Variants in LRRC28 observed in about 807,000 individuals in gnomAD.
The protein encoded by LRRC28 is leucine rich repeat containing 28, also known as leucine-rich repeat-containing protein 28.
In LRRC28, 39 loss-of-function variants were observed where a neutral mutation model predicts 45.7. The ratio of observed to expected loss-of-function variants is 0.85; its 90% confidence interval spans 0.66 to 1.12. LRRC28 has a LOEUF of 1.12. LRRC28 is among the 50% of genes most tolerant of loss of function. The pLI is 0.00. For missense variants in LRRC28, 435 were observed against 438.5 expected, an observed-to-expected ratio of 0.99 and a Z score of 0.07; for synonymous variants, 206 against 178.8, an observed-to-expected ratio of 1.15 and a Z score of -1.22.
chr15:99,295,935 T>C (rs1437571504), intron 5 of LRRC28, among the ~76,000 whole-genome samples: 1 of 152,222 alleles, frequency 6.6e-6, no homozygotes, highest in African/African-American at 2.4e-5. Flanking sequence ...GGAATGAAAT[T>C]TAGTATCCTT....
At chr15:99,333,011 G>C (rs150671672) in intron 5 of LRRC28, among the ~76,000 whole-genome samples, 1 of 152,180 alleles carries the variant, frequency 6.6e-6, no homozygotes, top group Non-Finnish European at 1.5e-5. Flanking sequence ...GGTCTTCAAC[G>C]TCTCAGTCTC....
At chr15:99,304,946 A>T (rs1955127292) in intron 5 of LRRC28, among the ~76,000 whole-genome samples, 1 of 152,150 alleles carries the variant, frequency 6.6e-6, no homozygotes, top group Non-Finnish European at 1.5e-5. Flanking sequence ...TTGGGCCTCC[A>T]CAACAATGTG....
intron 7 of LRRC28, among the ~76,000 whole-genome samples, chr15:99,359,233 G>T (rs1957131806): frequency 6.6e-6 from 1 of 152,128 alleles, no homozygotes; most frequent in South Asian, 2.1e-4. Flanking sequence ...CATCAGAAAA[G>T]AATGCTGACA....
At chr15:99,280,419 C>G (rs1269061003) in intron 3 of LRRC28, among the ~76,000 whole-genome samples, 1 of 145,430 alleles carries the variant, frequency 6.9e-6, no homozygotes, top group African/African-American at 2.5e-5. Context: ...ACCCCAAAGT[C>G]TTACAGTTTT....
intron 9 of LRRC28, among the ~76,000 whole-genome samples, chr15:99,373,352 A>C (rs1957537121): frequency 1.3e-5 from 2 of 152,104 alleles, no homozygotes; most frequent in Non-Finnish European, 2.9e-5. Flanking sequence ...GTTCTAACCA[A>C]CTTCATTTTT....
chr15:99,358,738 G>A (rs987800023), intron 7 of LRRC28, among the ~76,000 whole-genome samples: 4 of 152,144 alleles, frequency 2.6e-5, no homozygotes, highest in African/African-American at 7.2e-5. Flanking sequence ...AAAAAGCTAT[G>A]TCCTATTTTA....
At chr15:99,321,504 A>G (rs1295719767) in intron 5 of LRRC28, among the ~76,000 whole-genome samples, 3 of 152,232 alleles carry the variant, frequency 2.0e-5, no homozygotes, top group African/African-American at 7.2e-5. Flanking sequence ...TCACAGAGAT[A>G]ATTATAAGAC....
intron 3 of LRRC28, among the ~76,000 whole-genome samples, chr15:99,279,869 T>G (rs2081732949): frequency 6.6e-6 from 1 of 152,192 alleles, no homozygotes; most frequent in Non-Finnish European, 1.5e-5. Flanking sequence ...TGCTCAAAAT[T>G]TTTAGTTTTG....
chr15:99,281,323 C>G (rs1281913995), intron 3 of LRRC28, among the ~76,000 whole-genome samples: 1 of 152,154 alleles, frequency 6.6e-6, no homozygotes, highest in Non-Finnish European at 1.5e-5. Context: ...GCAATCATGG[C>G]TCACTGTAAC....
intron 5 of LRRC28, among the ~76,000 whole-genome samples, chr15:99,323,573 C>T (rs1200370571): frequency 6.6e-6 from 1 of 152,094 alleles, no homozygotes; most frequent in African/African-American, 2.4e-5. Flanking sequence ...GAAGATAGTG[C>T]TTCACAGTTT....
At chr15:99,373,257 C>T (rs1009458766) in intron 9 of LRRC28, among the ~76,000 whole-genome samples, 1 of 152,114 alleles carries the variant, frequency 6.6e-6, no homozygotes, top group African/African-American at 2.4e-5. Flanking sequence ...CCCCAAAATG[C>T]ACTTTTTATG....
At chr15:99,306,535 T>G (rs1267650280) in intron 5 of LRRC28, among the ~76,000 whole-genome samples, 1 of 152,234 alleles carries the variant, frequency 6.6e-6, no homozygotes, top group African/African-American at 2.4e-5. Context: ...GTTTAAAAGC[T>G]CTCTCTTGGT....
intron 5 of LRRC28, among the ~76,000 whole-genome samples, chr15:99,322,323 G>A: frequency 6.6e-6 from 1 of 152,126 alleles, no homozygotes; most frequent in East Asian, 1.9e-4. Flanking sequence ...GACATTGGAG[G>A]GGGTGAGAAT....
intron 2 of LRRC28, among the ~76,000 whole-genome samples, chr15:99,270,627 C>T (rs955130275): frequency 3.9e-5 from 6 of 152,036 alleles, no homozygotes; most frequent in Non-Finnish European, 7.3e-5. Context: ...TGTGTGATTC[C>T]GTAGGGATTC....
intron 6 of LRRC28, among the ~76,000 whole-genome samples, chr15:99,339,238 A>G (rs918181869): frequency 1.3e-5 from 2 of 152,210 alleles, no homozygotes; most frequent in Non-Finnish European, 2.9e-5. Context: ...CGTGTTTACA[A>G]CTTATTCAAT....
At chr15:99,313,133 C>G (rs1179942096) in intron 5 of LRRC28, among the ~76,000 whole-genome samples, 1 of 151,900 alleles carries the variant, frequency 6.6e-6, no homozygotes, top group Non-Finnish European at 1.5e-5. Context: ...GCTGTAGTAG[C>G]TATTTTAATA....
intron 6 of LRRC28, among the ~76,000 whole-genome samples, chr15:99,347,945 C>T (rs184187477): frequency 1.1e-4 from 16 of 152,264 alleles, no homozygotes; most frequent in African/African-American, 3.8e-4. Context: ...CATTTGTTAT[C>T]TCTTATCTTT....
In LRRC28 at chr15:99,259,575, G is replaced by A. The variant is rs1313459087; in HGVS notation, c.168+3450G>A. The A allele has an allele frequency of 2.2e-5, 32 of 1,470,226 alleles. No individual in the cohort carries two copies. In the East Asian group the frequency reaches 7.0e-4, roughly 32 times the overall value. 91.1% of individuals were successfully genotyped at this position (1,470,226 alleles called of 1,614,324 possible). A position where few individuals can be genotyped will look rare whatever the true frequency, so the allele number is the denominator to read the frequency against. On this transcript the variant is annotated intron_variant, in intron 2 of 9. Coordinates refer to ENST00000301981, the MANE Select transcript of LRRC28 (RefSeq NM_144598.5). The stretch of plus-strand genomic sequence containing the variant: ...GCTTTGGTGGCCAGCCAGTACGGGT[G>A]GTCTGGCAACATGGAGAGAATCATG...
chr15:99,328,531 T>C (rs1470536885), intron 5 of LRRC28, among the ~76,000 whole-genome samples: 1 of 151,964 alleles, frequency 6.6e-6, no homozygotes, highest in African/African-American at 2.4e-5. Context: ...AGTGGACTCG[T>C]GGCCTTAATT....
Sources: gnomAD v4.1 joint callset for allele counts (sites outside exome capture counted in the v4.1 genomes callset) on GRCh38, gnomAD v4.1.1 for gene constraint, MANE v1.5 for transcripts, NCBI Gene and HGNC (gene_info 2026-07-23, HGNC 2026-07-21) for gene names.